Variants in GRM7 observed in about 807,000 individuals in gnomAD.
GRM7 encodes the protein glutamate metabotropic receptor 7, also known as metabotropic glutamate receptor 7.
GRM7 carries 35 observed loss-of-function variants against 84.5 expected under a neutral mutation model. The observed-to-expected ratio is 0.41, with a 90% CI of 0.32 to 0.55. The LOEUF is 0.55. Among genes scored for constraint, GRM7 ranks in the 20% least tolerant of loss-of-function variants. The pLI is 0.19. For synonymous variants in GRM7, 487 were observed against 455.1 expected, an observed-to-expected ratio of 1.07 and a Z score of -0.89; for missense variants, 1,003 against 1,194.6, an observed-to-expected ratio of 0.84 and a Z score of 2.36.
intron 4 of GRM7, among the ~76,000 whole-genome samples, chr3:7,409,436 T>TG (rs1390273835): frequency 2.1e-5 from 3 of 145,918 alleles, no homozygotes; most frequent in Admixed American, 6.8e-5. Flanking sequence ...TCTCTTTTTT[T>TG]GGGGGGTGGG....
At chr3:7,389,690 G>C (rs1464202004) in intron 4 of GRM7, among the ~76,000 whole-genome samples, 5 of 151,016 alleles carry the variant, frequency 3.3e-5, no homozygotes. Flanking sequence ...TACTGTTTTT[G>C]TTTTATATTT....
At chr3:7,409,409 C>G (rs1013826070) in intron 4 of GRM7, among the ~76,000 whole-genome samples, 1 of 150,518 alleles carries the variant, frequency 6.6e-6, no homozygotes, top group African/African-American at 2.5e-5. Context: ...ATCACTTGTT[C>G]TTGGATAGAT....
At chr3:7,595,139 C>A (rs1386025219) in intron 8 of GRM7, among the ~76,000 whole-genome samples, 2 of 152,202 alleles carry the variant, frequency 1.3e-5, no homozygotes, top group East Asian at 1.9e-4. Context: ...GGACAGTGAA[C>A]AACATTGACA....
intron 1 of GRM7, among the ~76,000 whole-genome samples, chr3:6,902,850 T>TACACACACACACAC (rs34849112): frequency 0.053 from 7,142 of 134,384 alleles, 229 homozygotes; most frequent in Admixed American, 0.085. Flanking sequence ...AACAGACTCC[T>TACACACACACACAC]ACACACACAC....
At chr3:7,465,980 G>T (rs1247005576) in intron 7 of GRM7, among the ~76,000 whole-genome samples, 1 of 152,078 alleles carries the variant, frequency 6.6e-6, no homozygotes, top group Non-Finnish European at 1.5e-5. Context: ...TAGCTACCAG[G>T]ATATTTCTGC....
chr3:7,666,765 A>C (rs1274425536), intron 8 of GRM7, among the ~76,000 whole-genome samples: 1 of 152,114 alleles, frequency 6.6e-6, no homozygotes, highest in African/African-American at 2.4e-5. Context: ...ATTACTTCTT[A>C]TTACATATAT....
chr3:7,181,637 C>T (rs1203189674), intron 2 of GRM7, among the ~76,000 whole-genome samples: 3 of 152,076 alleles, frequency 2.0e-5, no homozygotes, highest in Admixed American at 1.3e-4. Flanking sequence ...GAGGCAGAGT[C>T]TTGCTCTGTC....
At chr3:7,439,532 G>T (rs1205827384) in intron 5 of GRM7, among the ~76,000 whole-genome samples, 1 of 152,190 alleles carries the variant, frequency 6.6e-6, no homozygotes, top group Non-Finnish European at 1.5e-5. Context: ...ACTGTGGCAG[G>T]CTAACTTGTG....
intron 1 of GRM7, among the ~76,000 whole-genome samples, chr3:6,941,036 T>C (rs1697874716): frequency 6.6e-6 from 1 of 152,188 alleles, no homozygotes; most frequent in Admixed American, 6.5e-5. Flanking sequence ...TAAGCCTCCA[T>C]CAGTCCCTGC....
intron 1 of GRM7, among the ~76,000 whole-genome samples, chr3:7,138,672 T>A (rs1227410011): frequency 1.3e-5 from 2 of 151,728 alleles, no homozygotes; most frequent in South Asian, 2.1e-4. Context: ...TAAAGTTTAG[T>A]TTTTTTTCAC....
intron 4 of GRM7, among the ~76,000 whole-genome samples, chr3:7,406,680 A>G (rs1186972440): frequency 6.6e-6 from 1 of 152,214 alleles, no homozygotes; most frequent in African/African-American, 2.4e-5. Context: ...ATGTCTTCTT[A>G]ACTAAAATAT....
rs1189633061 is a variant in GRM7, at chr3:7,093,713, AAG to A, written c.520-52738_520-52737del. On this transcript the variant is annotated intron_variant, in intron 1 of 9. Transcript: ENST00000357716. ...AAAAAAAAAAAAAAAAAAAAAAAAA[AAG>A]GTAGTTAGTGGCCTTTGCTCTTTTA... Among the ~76,000 whole-genome samples the A allele has an allele frequency of 9.3e-3, 638 of 68,696 alleles. 245 individuals carry two copies. The highest frequency in any genetic ancestry group is 0.03 in the Middle Eastern group (4 of 134). 45.1% of individuals were successfully genotyped at this position (68,696 alleles called of 152,430 possible). A position where few individuals can be genotyped will look rare whatever the true frequency, so the allele number is the denominator to read the frequency against.
intron 1 of GRM7, among the ~76,000 whole-genome samples, chr3:6,888,138 G>C (rs935866027): frequency 2.0e-5 from 3 of 152,052 alleles, no homozygotes; most frequent in African/African-American, 7.2e-5. Flanking sequence ...TTAGCCCTTT[G>C]TCAGATGAGT....
chr3:7,002,680 A>G (rs141281731), intron 1 of GRM7, among the ~76,000 whole-genome samples: 14 of 152,246 alleles, frequency 9.2e-5, no homozygotes, highest in Non-Finnish European at 1.9e-4. Context: ...GTATATAGAG[A>G]GTCTTTTAAA....
chr3:7,044,513 A>G (rs1230110189), intron 1 of GRM7, among the ~76,000 whole-genome samples: 1 of 152,172 alleles, frequency 6.6e-6, no homozygotes, highest in Non-Finnish European at 1.5e-5. Flanking sequence ...TCAGTTTTCA[A>G]CACTTCCCAA....
At chr3:7,664,530 C>T (rs1356225253) in intron 8 of GRM7, among the ~76,000 whole-genome samples, 3 of 152,124 alleles carry the variant, frequency 2.0e-5, no homozygotes, top group Admixed American at 2.0e-4. Context: ...TTTTATTATG[C>T]TTTAAGTTCT....
chr3:7,665,852 AC>A (rs1398128964), intron 8 of GRM7, among the ~76,000 whole-genome samples: 1 of 152,086 alleles, frequency 6.6e-6, no homozygotes, highest in East Asian at 1.9e-4. Context: ...CTCTAAATCC[AC>A]CCGTTATATA....
At chr3:7,414,948 G>C in intron 4 of GRM7, 75 bp from the exon 5 acceptor site, 1 of 1,230,996 alleles carries the variant, frequency 8.1e-7, no homozygotes, top group South Asian at 1.7e-5. Context: ...GAAAAAAAAA[G>C]TCACTTTTAT....
intron 9 of GRM7, among the ~76,000 whole-genome samples, chr3:7,726,849 A>G (rs1266945154): frequency 6.6e-6 from 1 of 151,000 alleles, no homozygotes; most frequent in African/African-American, 2.4e-5. Context: ...GATTTTCCCA[A>G]CATGGCTGTT....
Sources: gnomAD v4.1 joint callset for allele counts (sites outside exome capture counted in the v4.1 genomes callset) on GRCh38, gnomAD v4.1.1 for gene constraint, MANE v1.5 for transcripts, NCBI Gene and HGNC (gene_info 2026-07-23, HGNC 2026-07-21) for gene names.